Variants in BCL2L1 observed in about 807,000 individuals in gnomAD.
BCL2L1 encodes the protein bcl-2-like protein 1.
A neutral mutation model predicts 18.7 loss-of-function variants in BCL2L1; 1 was observed. That is an observed-to-expected ratio of 0.05 (90% CI 0.02 to 0.25). BCL2L1 has a LOEUF of 0.25. Ranked by LOEUF, BCL2L1 falls within the 10% of genes least tolerant of loss-of-function variation. The probability of loss-of-function intolerance (pLI) is 1.00; values close to 1 mark genes in which losing one functional copy is unlikely to be tolerated. For synonymous variants in BCL2L1, 103 were observed against 122.7 expected (o/e 0.84, Z 1.06); for missense variants, 207 against 304.9 (o/e 0.68, Z 2.39).
chr20:31,721,640 G>A lies in BCL2L1; in HGVS notation c.564+15C>T, dbSNP rs1384619587. 1 of 1,581,130 alleles carries A rather than the reference G, an allele frequency of 6.3e-7. No homozygotes were observed. Among genetic ancestry groups the A allele is most frequent in the Non-Finnish European group, 8.6e-7 (1 of 1,162,106 alleles). ...AGGCCAAAGAAAAGGGACACACAAG[G>A]GGCTTGGTTCTTACCCAGCCGCCGT... On this transcript the variant is annotated intron_variant, in intron 2 of 2. Transcript: ENST00000307677.
At chr20:31,691,865 A>T (rs181027683) in intron 2 of BCL2L1, among the ~76,000 whole-genome samples, 18 of 152,330 alleles carry the variant, frequency 1.2e-4, no homozygotes, top group Admixed American at 1.0e-3. Flanking sequence ...TCTCACACCC[A>T]CCAGCTCCAT....
At chr20:31,719,118 G>A (rs1600943588) in intron 2 of BCL2L1, among the ~76,000 whole-genome samples, 1 of 152,160 alleles carries the variant, frequency 6.6e-6, no homozygotes, top group Non-Finnish European at 1.5e-5. Flanking sequence ...ATATGAAACA[G>A]CATGCCGTTT....
intron 2 of BCL2L1, among the ~76,000 whole-genome samples, chr20:31,672,424 AT>A (rs1459827766): frequency 6.6e-6 from 1 of 151,576 alleles, no homozygotes; most frequent in Non-Finnish European, 1.5e-5. Flanking sequence ...AGATCACATT[AT>A]TGTACTCCAG....
intron 2 of BCL2L1, among the ~76,000 whole-genome samples, chr20:31,709,935 C>T (rs370795278): frequency 1.3e-5 from 2 of 151,898 alleles, no homozygotes; most frequent in South Asian, 4.2e-4. Context: ...ATCCACCTGC[C>T]TCAGTCTCCC....
chr20:31,678,507 G>C (rs1224579911), intron 2 of BCL2L1, among the ~76,000 whole-genome samples: 1 of 152,072 alleles, frequency 6.6e-6, no homozygotes, highest in African/African-American at 2.4e-5. Context: ...TGACTACCAG[G>C]GTTCTCTCTC....
At chr20:31,667,258 C>T (rs1032308880) in intron 2 of BCL2L1, among the ~76,000 whole-genome samples, 7 of 152,104 alleles carry the variant, frequency 4.6e-5, no homozygotes, top group South Asian at 2.1e-4. Context: ...GTCAGGAGTT[C>T]GAGACCAGCC....
Position 31,697,892 on chromosome 20 carries a change from G to GTTTTTTTTTTTTTTTTTTTTTT in BCL2L1, c.564+23762_564+23763insAAAAAAAAAAAAAAAAAAAAAA, listed in dbSNP as rs199575410. On this transcript the variant is annotated intron_variant, in intron 2 of 2. Transcript: ENST00000307677. ...AGAATCCTCAGCATGTGCTGTTGCT[G>GTTTTTTTTTTTTTTTTTTTTTT]TTTTTTTTTTTTTGAGACGGAGTCT... Among the ~76,000 whole-genome samples the GTTTTTTTTTTTTTTTTTTTTTT allele has an allele frequency of 1.1e-3, 141 of 129,636 alleles. 6 individuals carry two copies. Among genetic ancestry groups the GTTTTTTTTTTTTTTTTTTTTTT allele is most frequent in the African/African-American group, 4.3e-3 (132 of 30,496 alleles). 85.0% of individuals were successfully genotyped at this position (129,636 alleles called of 152,430 possible).
At chr20:31,682,183 G>C (rs1399228097) in intron 2 of BCL2L1, among the ~76,000 whole-genome samples, 1 of 152,222 alleles carries the variant, frequency 6.6e-6, no homozygotes, top group Non-Finnish European at 1.5e-5. Context: ...ATGCCAGAAG[G>C]CCAGTATATG....
chr20:31,686,163 A>G (rs1489707488), intron 2 of BCL2L1: 1 of 152,234 alleles, frequency 6.6e-6, no homozygotes, highest in Non-Finnish European at 1.5e-5. Flanking sequence ...TGTTTTGTAT[A>G]TGCCAGGCCC....
At chr20:31,713,596 C>T (rs1425670631) in intron 2 of BCL2L1, 23 of 985,076 alleles carry the variant, frequency 2.3e-5, no homozygotes, top group Non-Finnish European at 2.7e-5. Flanking sequence ...AAGCTTGGCC[C>T]GAGAGTCTCA....
intron 2 of BCL2L1, among the ~76,000 whole-genome samples, chr20:31,678,868 G>A (rs1027223836): frequency 1.3e-5 from 2 of 152,204 alleles, no homozygotes; most frequent in Non-Finnish European, 2.9e-5. Flanking sequence ...TGGAGGATTT[G>A]GGGAAGGGAG....
chr20:31,723,291 A>G, upstream of BCL2L1: 1 of 985,650 alleles, frequency 1.0e-6, no homozygotes, highest in Non-Finnish European at 1.2e-6. Context: ...CCCGGACACA[A>G]TGGCCGCCGG....
At chr20:31,720,036 A>G in intron 2 of BCL2L1, 2 of 937,380 alleles carry the variant, frequency 2.1e-6, no homozygotes, top group Non-Finnish European at 2.5e-6. Flanking sequence ...GAACTATTTA[A>G]TCATTTATCC....
At chr20:31,682,611 A>T (rs940869832) in intron 2 of BCL2L1, among the ~76,000 whole-genome samples, 3 of 151,712 alleles carry the variant, frequency 2.0e-5, no homozygotes, top group African/African-American at 7.3e-5. Context: ...ATGCCTGGCT[A>T]ATTTTTTTTT....
chr20:31,704,044 C>T (rs958984078), intron 2 of BCL2L1, among the ~76,000 whole-genome samples: 4 of 144,956 alleles, frequency 2.8e-5, no homozygotes, highest in African/African-American at 5.2e-5. Flanking sequence ...TTGATCCACT[C>T]GGCTTGGCCT....
intron 2 of BCL2L1, among the ~76,000 whole-genome samples, chr20:31,698,028 T>C (rs530067566): frequency 6.6e-6 from 1 of 151,834 alleles, no homozygotes; most frequent in African/African-American, 2.4e-5. Flanking sequence ...ACTGGGATGA[T>C]AGGCACACGC....
At chr20:31,723,188 C>T (rs2061665286), upstream of BCL2L1, 4 of 727,986 alleles carry the variant, frequency 5.5e-6, no homozygotes, top group South Asian at 1.8e-4. Flanking sequence ...ATGTTGAAGG[C>T]CGGAGACCCC....
chr20:31,676,548 A>G (rs574040426), intron 2 of BCL2L1, among the ~76,000 whole-genome samples: 4 of 152,050 alleles, frequency 2.6e-5, no homozygotes, highest in African/African-American at 4.8e-5. Context: ...GTGACTCCCT[A>G]TTCTTTCGTA....
rs2061658959 is a variant in BCL2L1, at chr20:31,722,807, G to C, written c.-320C>G. The C allele has an allele frequency of 6.6e-6, 1 of 152,236 alleles. No homozygotes were observed. Among genetic ancestry groups the C allele is most frequent in the South Asian group, 2.1e-4 (1 of 4,836 alleles). 9.4% of individuals were successfully genotyped at this position (152,236 alleles called of 1,614,324 possible). On this transcript the variant is annotated 5_prime_UTR_variant, in exon 1 of 3. Transcript: ENST00000307677. ...GGCTGGGAGCCCAGAAGGCGACACA[G>C]GAATTGCGAAGCTCAGGAACCAGCC...
Sources: gnomAD v4.1 joint callset for allele counts (sites outside exome capture counted in the v4.1 genomes callset) on GRCh38, gnomAD v4.1.1 for gene constraint, MANE v1.5 for transcripts, NCBI Gene and HGNC (gene_info 2026-07-23, HGNC 2026-07-21) for gene names.